Variants in RIN3 observed in about 807,000 individuals in gnomAD.
The protein encoded by RIN3 is RAB5 interacting protein 3.
A neutral mutation model predicts 76.3 loss-of-function variants in RIN3; 54 were observed. The observed-to-expected ratio is 0.71, with a 90% CI of 0.57 to 0.89. The LOEUF (loss-of-function observed/expected upper bound fraction) is 0.89. Ranked by LOEUF, RIN3 falls within the 40% of genes least tolerant of loss-of-function variation. The pLI is 0.00. For missense variants in RIN3, 1,256 were observed against 1,322.1 expected (o/e 0.95, Z 0.78); for synonymous variants, 576 against 564.0 (o/e 1.02, Z -0.30).
chr14:92,650,295 A>G (rs760638791), intron 5 of RIN3, among the ~76,000 whole-genome samples: 42 of 152,088 alleles, frequency 2.8e-4, no homozygotes, highest in Admixed American at 1.2e-3. Context: ...TCACTCCCCA[A>G]TCCGGTGACA....
At position 92,558,887 on chromosome 14, in the gene RIN3, C is replaced by CTTT. The variant is rs61202055; in HGVS notation, c.249+2946_249+2948dup. 2.3e-3 allele frequency among the ~76,000 whole-genome samples: 298 copies of CTTT among 130,732 alleles called. 8 individuals are homozygous for CTTT. Among genetic ancestry groups the CTTT allele is most frequent in the Middle Eastern group, 4.3e-3 (1 of 234 alleles). 85.8% of individuals were successfully genotyped at this position (130,732 alleles called of 152,430 possible). A position where few individuals can be genotyped will look rare whatever the true frequency, so the allele number is the denominator to read the frequency against. On this transcript the variant is annotated intron_variant, in intron 2 of 9. Transcript: ENST00000216487. The stretch of plus-strand genomic sequence containing the variant: ...TTCCTTTTGTTTTTTCTTTTCTTTT[C>CTTT]TTTTTTTTTTTTTTTTGGTGAGACA...
intron 1 of RIN3, among the ~76,000 whole-genome samples, chr14:92,527,046 C>CTTTTTTT: frequency 9.1e-6 from 1 of 109,996 alleles, no homozygotes; most frequent in Non-Finnish European, 1.8e-5. Context: ...TTCTCCCCAT[C>CTTTTTTT]TTTTTTTTTT....
In RIN3 at chr14:92,513,819, G is replaced by C. The variant is rs908496988; in HGVS notation, c.-114G>C. ...AGCCCCAGAGCGCGGCGGCAGCGGC[G>C]GCCTGGCCCTTCCAGAGGGCCAGAG... is the stretch of plus-strand genomic sequence containing the variant. On this transcript the variant is annotated 5_prime_UTR_variant, in exon 1 of 10. Coordinates refer to ENST00000216487, the MANE Select transcript of RIN3 (RefSeq NM_024832.5). The C allele has an allele frequency of 6.4e-6, 4 of 624,470 alleles. No homozygotes were observed. Among genetic ancestry groups the C allele is most frequent in the Non-Finnish European group, 9.2e-6 (4 of 436,074 alleles). The allele number at this position is 624,470 out of a possible 1,614,324, so 38.7% of individuals were successfully genotyped here.
At chr14:92,573,202 T>A (rs553535368) in intron 2 of RIN3, among the ~76,000 whole-genome samples, 1 of 152,124 alleles carries the variant, frequency 6.6e-6, no homozygotes, top group Non-Finnish European at 1.5e-5. Flanking sequence ...CTTTTTTGAA[T>A]ATTGAGGGGA....
In RIN3 at chr14:92,555,743, T is replaced by G; in HGVS notation, c.45-8T>G. 1.2e-6 allele frequency: 2 copies of G among 1,613,922 alleles called. No homozygotes were observed. Among genetic ancestry groups the G allele is most frequent in the East Asian group, 2.2e-5 (1 of 44,876 alleles). On this transcript the variant is annotated splice_region_variant and splice_polypyrimidine_tract_variant and intron_variant, in intron 1 of 9. Coordinates refer to ENST00000216487, the MANE Select transcript of RIN3 (RefSeq NM_024832.5). ...CAGGATAGCTGATCATTGAATTCTG[T>G]TTTTCAGTCCGGTTCCAGTTGTTGG...
rs1888961912 is a variant in RIN3, at chr14:92,688,365, C to G, written c.*113C>G. 9.8e-7 allele frequency: 1 copy of G among 1,025,086 alleles called. No individual in the cohort carries two copies. The highest frequency in any genetic ancestry group is 2.9e-5 in the Admixed American group (1 of 34,230). 63.5% of individuals were successfully genotyped at this position (1,025,086 alleles called of 1,614,324 possible). On this transcript the variant is annotated 3_prime_UTR_variant, in exon 10 of 10. Transcript: ENST00000216487. Reference sequence around the variant, plus strand: ...CAGAGGGACATGGGCCATTCCATGACGTGCCCAGGCCAACGTCGCAGGACA... The same window carrying G: ...CAGAGGGACATGGGCCATTCCATGAGGTGCCCAGGCCAACGTCGCAGGACA...
chr14:92,684,752 C>G (rs934717118), intron 8 of RIN3, among the ~76,000 whole-genome samples: 3 of 152,094 alleles, frequency 2.0e-5, no homozygotes, highest in Non-Finnish European at 4.4e-5. Context: ...CCAAGGGGAG[C>G]CAGTGAAAAG....
At position 92,638,009 on chromosome 14, in the gene RIN3, G is replaced by C. The variant is rs149833003; in HGVS notation, c.441-3229G>C. 3.3e-3 allele frequency among the ~76,000 whole-genome samples: 497 copies of C among 152,212 alleles called. 9 individuals are homozygous for C. The East Asian group carries it at 0.04, about 12-fold the overall frequency. ...TGATTTAGTAAGAATATCACTTAAA[G>C]CCTCCAAAACACCTAGCCCCACACC... On this transcript the variant is annotated intron_variant, in intron 4 of 9. Coordinates refer to ENST00000216487, the MANE Select transcript of RIN3 (RefSeq NM_024832.5).
intron 4 of RIN3, among the ~76,000 whole-genome samples, chr14:92,624,710 A>C (rs1886291163): frequency 6.6e-6 from 1 of 152,218 alleles, no homozygotes; most frequent in South Asian, 2.1e-4. Context: ...TGATCTAGTT[A>C]CGTTAATAAT....
intron 1 of RIN3, chr14:92,515,129 G>A (rs368801153): frequency 1.2e-5 from 8 of 654,954 alleles, no homozygotes; most frequent in South Asian, 1.2e-4. Context: ...AGATCTGAAC[G>A]TCTCCCTTCC....
In RIN3 at chr14:92,513,872, C is replaced by G. The variant is rs1050966117; in HGVS notation, c.-61C>G. 32 of 1,219,176 alleles carry G rather than the reference C, an allele frequency of 2.6e-5. No individual in the cohort carries two copies. The Admixed American group carries it at 4.3e-4, about 16-fold the overall frequency. The allele number at this position is 1,219,176 out of a possible 1,614,324, so 75.5% of individuals were successfully genotyped here. A position where few individuals can be genotyped will look rare whatever the true frequency, so the allele number is the denominator to read the frequency against. On this transcript the variant is annotated 5_prime_UTR_variant, in exon 1 of 10. Coordinates refer to ENST00000216487, the MANE Select transcript of RIN3 (RefSeq NM_024832.5). ...AGGGACATGCGGGCGCCCGGGACTC[C>G]GCGTTCCGCGCGGCCCGGCGCCTGA... is the stretch of plus-strand genomic sequence containing the variant.
chr14:92,629,455 C>G (rs947835384), intron 4 of RIN3, among the ~76,000 whole-genome samples: 13 of 152,238 alleles, frequency 8.5e-5, no homozygotes, highest in Admixed American at 6.5e-5. Context: ...TTTAAATACC[C>G]TCTAGAGGAT....
intron 1 of RIN3, among the ~76,000 whole-genome samples, chr14:92,550,659 C>A (rs953658473): frequency 2.6e-5 from 4 of 152,192 alleles, no homozygotes; most frequent in Non-Finnish European, 5.9e-5. Context: ...GCTCAAACAA[C>A]CTTCCTGCCT....
At chr14:92,518,273 G>A (rs1896499051) in intron 1 of RIN3, among the ~76,000 whole-genome samples, 1 of 152,226 alleles carries the variant, frequency 6.6e-6, no homozygotes, top group South Asian at 2.1e-4. Flanking sequence ...AGGTCTTTTA[G>A]TTCCATATCC....
chr14:92,518,230 T>C (rs1369092072), intron 1 of RIN3, among the ~76,000 whole-genome samples: 2 of 152,246 alleles, frequency 1.3e-5, no homozygotes, highest in Non-Finnish European at 2.9e-5. Context: ...CATGACTTCC[T>C]ACTTCAGTTA....
intron 4 of RIN3, among the ~76,000 whole-genome samples, chr14:92,617,285 A>G (rs1886006035): frequency 6.6e-6 from 1 of 151,936 alleles, no homozygotes; most frequent in South Asian, 2.1e-4. Context: ...GGGCAACAAG[A>G]GCAAAACTCC....
chr14:92,577,369 G>C lies in RIN3; in HGVS notation c.259G>C (p.Val87Leu). Residue 87 changes from valine to leucine, a missense_variant, in exon 3 of 10, where the codon GTT becomes CTT. Coordinates refer to ENST00000216487, the MANE Select transcript of RIN3 (RefSeq NM_024832.5). ...CCTTCTTTGGTTTCAGATGTTCCTG[G>C]TTCGCCGGGACAGCAGCTCGAAGCA... is the stretch of plus-strand genomic sequence containing the variant. ...LHRVVAGMFL[V>L]RRDSSSKQLV... 6.2e-7 allele frequency: 1 copy of C among 1,612,878 alleles called. No individual in the cohort carries two copies. Among genetic ancestry groups the C allele is most frequent in the South Asian group, 1.1e-5 (1 of 90,960 alleles).
chr14:92,687,766 C>T (rs943607658), intron 9 of RIN3, 160 bp from the exon 10 acceptor site: 1 of 633,436 alleles, frequency 1.6e-6, no homozygotes, highest in Non-Finnish European at 2.5e-6. Context: ...GACGGGCCCC[C>T]CGCAGGCTCG....
intron 1 of RIN3, among the ~76,000 whole-genome samples, chr14:92,545,659 C>T (rs559375906): frequency 6.8e-6 from 1 of 147,612 alleles, no homozygotes; most frequent in African/African-American, 2.5e-5. Flanking sequence ...GTGCTCACTG[C>T]AGCCTCAATC....
Sources: allele counts gnomAD v4.1 joint callset (sites outside exome capture counted in the v4.1 genomes callset), GRCh38; gene constraint gnomAD v4.1.1; transcripts MANE v1.5; gene names NCBI Gene and HGNC (gene_info 2026-07-23, HGNC 2026-07-21).